SEC11A: variants seen among roughly 807,000 people sequenced by gnomAD.
SEC11A encodes the protein signal peptidase complex catalytic subunit SEC11A.
In SEC11A, 14 loss-of-function variants were observed where a neutral mutation model predicts 25.6. That is an observed-to-expected ratio of 0.55 (90% CI 0.36 to 0.85). SEC11A has a LOEUF of 0.85. Among genes scored for constraint, SEC11A ranks in the 40% least tolerant of loss-of-function variants. The probability of loss-of-function intolerance (pLI) is 0.01; values close to 1 mark genes in which losing one functional copy is unlikely to be tolerated. For missense variants in SEC11A, 153 were observed against 222.9 expected (o/e 0.69, Z 2.00); for synonymous variants, 83 against 76.4 (o/e 1.09, Z -0.45).
intron 1 of SEC11A, among the ~76,000 whole-genome samples, chr15:84,705,906 G>A (rs1335856609): frequency 6.6e-6 from 1 of 151,520 alleles, no homozygotes; most frequent in Admixed American, 6.6e-5. Flanking sequence ...CTGATTTAAA[G>A]GTTTTATTTA....
chr15:84,704,084 T>A (rs1036403885), intron 1 of SEC11A, among the ~76,000 whole-genome samples: 1 of 152,134 alleles, frequency 6.6e-6, no homozygotes, highest in Admixed American at 6.6e-5. Flanking sequence ...AAACCAACAC[T>A]GCCACCAATC....
intron 2 of SEC11A, among the ~76,000 whole-genome samples, chr15:84,689,032 A>C (rs1253218640): frequency 2.4e-5 from 2 of 83,154 alleles, no homozygotes; most frequent in African/African-American, 6.5e-5. Flanking sequence ...TCTGTCTCAA[A>C]AAAAAAAAAA....
chr15:84,683,089 A>G (rs1897321139), intron 3 of SEC11A, among the ~76,000 whole-genome samples: 1 of 152,206 alleles, frequency 6.6e-6, no homozygotes, highest in African/African-American at 2.4e-5. Context: ...GTTAGAAAAA[A>G]TGCAAATATA....
intron 4 of SEC11A, chr15:84,679,893 G>A: frequency 7.1e-7 from 1 of 1,411,906 alleles, no homozygotes; most frequent in Non-Finnish European, 9.6e-7. Context: ...TACATTAAGG[G>A]AGCAACAATG....
chr15:84,673,032 C>T (rs1263275518), intron 4 of SEC11A: 6 of 196,650 alleles, frequency 3.1e-5, no homozygotes, highest in South Asian at 6.4e-5. Flanking sequence ...GCCCGGCAGC[C>T]ACCCCATCTG....
intron 4 of SEC11A, among the ~76,000 whole-genome samples, chr15:84,676,122 T>A (rs1897125901): frequency 6.6e-6 from 1 of 152,224 alleles, no homozygotes; most frequent in South Asian, 2.1e-4. Flanking sequence ...CCCACTGAAT[T>A]GTACTCTTTA....
At chr15:84,691,502 G>T in intron 2 of SEC11A, 33 bp downstream of exon 2, 1 of 1,175,048 alleles carries the variant, frequency 8.5e-7, no homozygotes, top group Non-Finnish European at 1.3e-6. Context: ...GTAATGCCAT[G>T]CAATTCCATG....
At chr15:84,704,411 C>T (rs576285264) in intron 1 of SEC11A, among the ~76,000 whole-genome samples, 174 of 152,222 alleles carry the variant, frequency 1.1e-3, no homozygotes, top group African/African-American at 4.2e-3. Context: ...GGCCAGTTTT[C>T]GATTTATTGT....
intron 1 of SEC11A, among the ~76,000 whole-genome samples, chr15:84,693,907 G>C (rs935479875): frequency 6.6e-6 from 1 of 152,114 alleles, no homozygotes; most frequent in African/African-American, 2.4e-5. Context: ...AAGTGATTCA[G>C]CAAAAGAAAA....
At position 84,680,723 on chromosome 15, in the gene SEC11A, T is replaced by G; in HGVS notation, c.421A>C (p.Arg141=). 2 of 1,611,352 alleles carry G rather than the reference T, an allele frequency of 1.2e-6. No individual in the cohort carries two copies. Among genetic ancestry groups the G allele is most frequent in the Non-Finnish European group, 1.7e-6 (2 of 1,178,368 alleles). ...HWLEKKDVVG[R]ARGFVPYIGI... is the part of the protein sequence containing the mutation. ...CCCCTCTATACTTACCCCCTGGCTC[T>G]CCCCACAACATCTTTTTTCTCTAGC... The change falls in exon 4 of 6, where the codon AGA becomes CGA. Residue 141 remains arginine (R), a synonymous_variant. Transcript: ENST00000268220.
intron 4 of SEC11A, among the ~76,000 whole-genome samples, chr15:84,680,137 T>TAGGG (rs1555423342): frequency 7.1e-6 from 1 of 141,376 alleles, no homozygotes; most frequent in Non-Finnish European, 1.6e-5. Flanking sequence ...CCATCTCTAC[T>TAGGG]AAAAAAAAAA....
At chr15:84,673,334 T>C (rs1445631174) in intron 4 of SEC11A, 3 of 190,462 alleles carry the variant, frequency 1.6e-5, no homozygotes, top group South Asian at 8.4e-5. Flanking sequence ...GGGGAAAAGA[T>C]TGAGAAATCG....
At chr15:84,676,872 C>T (rs1470793782) in intron 4 of SEC11A, among the ~76,000 whole-genome samples, 1 of 151,694 alleles carries the variant, frequency 6.6e-6, no homozygotes, top group Non-Finnish European at 1.5e-5. Context: ...TGGAGGACTG[C>T]TTGAGCCCAG....
intron 2 of SEC11A, among the ~76,000 whole-genome samples, chr15:84,690,562 A>T (rs779607262): frequency 1.2e-4 from 19 of 152,142 alleles, no homozygotes; most frequent in Non-Finnish European, 2.4e-4. Flanking sequence ...GTCTGCAGTG[A>T]GTTATGACGG....
At chr15:84,675,365 A>G (rs1803436238) in intron 4 of SEC11A, among the ~76,000 whole-genome samples, 1 of 152,236 alleles carries the variant, frequency 6.6e-6, no homozygotes, top group South Asian at 2.1e-4. Flanking sequence ...TCATTAGACA[A>G]AAGGCCAAAC....
intron 4 of SEC11A, 52 bp downstream of exon 4, chr15:84,680,661 G>A: frequency 6.7e-7 from 1 of 1,502,108 alleles, no homozygotes; most frequent in South Asian, 1.3e-5. Flanking sequence ...TGATTGAGAG[G>A]GCCACACTTC....
At chr15:84,700,783 C>G (rs1411709253) in intron 1 of SEC11A, among the ~76,000 whole-genome samples, 4 of 150,700 alleles carry the variant, frequency 2.7e-5, no homozygotes, top group African/African-American at 9.8e-5. Flanking sequence ...GAATTTGAGA[C>G]CAGCCTGACC....
chr15:84,691,938 T>A (rs1408262741), intron 1 of SEC11A: 1 of 209,040 alleles, frequency 4.8e-6, no homozygotes, highest in Non-Finnish European at 9.5e-6. Context: ...TCCATAATCA[T>A]TCAGCTTAAA....
chr15:84,702,330 G>A (rs28688498), intron 1 of SEC11A, among the ~76,000 whole-genome samples: 97 of 151,202 alleles, frequency 6.4e-4, no homozygotes, highest in African/African-American at 2.3e-3. Flanking sequence ...GCGTGGTGGC[G>A]GGCACCCGTA....
Sources: gnomAD v4.1 joint callset for allele counts (sites outside exome capture counted in the v4.1 genomes callset) on GRCh38, gnomAD v4.1.1 for gene constraint, MANE v1.5 for transcripts, NCBI Gene and HGNC (gene_info 2026-07-23, HGNC 2026-07-21) for gene names.